The following TMEM236 variants were observed in gnomAD, a reference collection of about 807,000 sequenced individuals.
TMEM236 encodes family with sequence similarity 23, member A.
TMEM236 carries 11 observed loss-of-function variants against 14.7 expected under a neutral mutation model. The observed-to-expected ratio is 0.75, with a 90% CI of 0.47 to 1.24. The LOEUF is 1.24. Among genes scored for constraint, TMEM236 ranks in the 50% most tolerant of loss-of-function variants. The pLI, the probability that TMEM236 is intolerant of heterozygous loss-of-function variation, is 0.00. For synonymous variants in TMEM236, 182 were observed against 168.6 expected, an observed-to-expected ratio of 1.08 and a Z score of -0.62; for missense variants, 464 against 427.3, an observed-to-expected ratio of 1.09 and a Z score of -0.76.
intron 3 of TMEM236, among the ~76,000 whole-genome samples, chr10:17,794,704 C>T (rs1194917193): frequency 6.6e-6 from 1 of 152,142 alleles, no homozygotes; most frequent in Admixed American, 6.6e-5. Context: ...ACCTTGGATT[C>T]AGCATGTCAC....
At chr10:17,768,699 G>T (rs1837515819) in intron 1 of TMEM236, among the ~76,000 whole-genome samples, 1 of 151,226 alleles carries the variant, frequency 6.6e-6, no homozygotes, top group Non-Finnish European at 1.5e-5. Context: ...CAGATTTCTA[G>T]GTAGTCATAG....
At chr10:17,757,901 T>C (rs1336751896) in intron 1 of TMEM236, among the ~76,000 whole-genome samples, 1 of 152,082 alleles carries the variant, frequency 6.6e-6, no homozygotes, top group Non-Finnish European at 1.5e-5. Context: ...CCTGAGTAGC[T>C]GGGATTACAG....
At chr10:17,786,408 G>A (rs1390481665) in intron 3 of TMEM236, among the ~76,000 whole-genome samples, 7 of 152,060 alleles carry the variant, frequency 4.6e-5, no homozygotes, top group African/African-American at 1.7e-4. Flanking sequence ...GTCCATGCTG[G>A]AGGGCAGTGC....
chr10:17,762,404 G>A (rs1025996570), intron 1 of TMEM236, among the ~76,000 whole-genome samples: 7 of 151,572 alleles, frequency 4.6e-5, no homozygotes, highest in East Asian at 1.9e-4. Context: ...TACTGACTTC[G>A]TGTATTGATA....
chr10:17,775,907 A>G (rs1837651639), intron 2 of TMEM236, 122 bp from the exon 3 acceptor site: 3 of 1,317,634 alleles, frequency 2.3e-6, no homozygotes, highest in Non-Finnish European at 3.3e-6. Flanking sequence ...TTAAAAACCA[A>G]CCTTCTAGTT....
At position 17,752,379 on chromosome 10, in the gene TMEM236, A is replaced by G; in HGVS notation, c.84A>G (p.Thr28=). The G allele has an allele frequency of 6.2e-6, 10 of 1,613,872 alleles. No homozygotes were observed. The South Asian group carries it at 1.1e-4, about 18-fold the overall frequency. Residue 28 remains threonine, a synonymous_variant, in exon 1 of 4, where the codon ACA becomes ACG. Coordinates refer to ENST00000377495, the MANE Select transcript of TMEM236 (RefSeq NM_001098844.3). ...TCTCCATCCCCACACTCGTGATCAC[A>G]GAACAGTTTGCCACCGCCTACCAAG... ...AAFSIPTLVI[T]EQFATAYQGT... is the part of the protein sequence containing the mutation.
chr10:17,788,205 C>T (rs1489113048), intron 3 of TMEM236, among the ~76,000 whole-genome samples: 1 of 150,290 alleles, frequency 6.7e-6, no homozygotes, highest in Non-Finnish European at 1.5e-5. Context: ...TTATAAGTAA[C>T]ATAAATAATA....
chr10:17,772,592 C>G (rs1478900739), intron 2 of TMEM236, among the ~76,000 whole-genome samples: 1 of 151,732 alleles, frequency 6.6e-6, no homozygotes, highest in Non-Finnish European at 1.5e-5. Context: ...CTTTCCTTTC[C>G]TTTTTTTCTT....
At chr10:17,777,685 C>G (rs1334976122) in intron 3 of TMEM236, among the ~76,000 whole-genome samples, 3 of 152,032 alleles carry the variant, frequency 2.0e-5, no homozygotes, top group Non-Finnish European at 4.4e-5. Context: ...AAGAAAGACA[C>G]GTGTATCTTT....
In TMEM236 at chr10:17,796,449, TC is replaced by T; in HGVS notation, c.1002del (p.Phe334LeufsTer4). The T allele has an allele frequency of 6.2e-7, 1 of 1,613,826 alleles. No homozygotes were observed. On this transcript the variant is annotated frameshift_variant, in exon 4 of 4. Transcript: ENST00000377495. LOFTEE classifies it high-confidence loss of function. ...CTCGTGACTCTCTCTTACATTTACT[TC>T]AATTACCTAACCAGAATCAGGATTT... ...NILVTLSYIY[F>X]NYLTRIRIFS...
chr10:17,755,246 C>T (rs1443614504), intron 1 of TMEM236, among the ~76,000 whole-genome samples: 3 of 152,034 alleles, frequency 2.0e-5, no homozygotes, highest in Non-Finnish European at 2.9e-5. Context: ...CCACTGCTCC[C>T]GGCCGATGTT....
rs1838044253 is a variant in TMEM236, at chr10:17,798,003, A to G, written c.*1499A>G. On this transcript the variant is annotated 3_prime_UTR_variant, in exon 4 of 4. Transcript: ENST00000377495. The stretch of plus-strand genomic sequence containing the variant: ...CCAATGTATCAGTGTCTTATGTGAT[A>G]CTATATCATGGATATATTGATGTTA... 1 of 153,538 alleles carries G rather than the reference A, an allele frequency of 6.5e-6. No homozygotes were observed. Among genetic ancestry groups the G allele is most frequent in the Non-Finnish European group, 1.5e-5 (1 of 68,956 alleles). 9.5% of individuals were successfully genotyped at this position (153,538 alleles called of 1,614,324 possible). A position where few individuals can be genotyped will look rare whatever the true frequency, so the allele number is the denominator to read the frequency against.
intron 1 of TMEM236, among the ~76,000 whole-genome samples, chr10:17,762,628 C>CAT (rs1310249424): frequency 3.9e-4 from 31 of 79,516 alleles, no homozygotes; most frequent in South Asian, 4.9e-4. Context: ...TACACACATA[C>CAT]ATATATATAT....
At chr10:17,755,423 A>T (rs1308834739) in intron 1 of TMEM236, among the ~76,000 whole-genome samples, 2 of 152,156 alleles carry the variant, frequency 1.3e-5, no homozygotes, top group Non-Finnish European at 2.9e-5. Context: ...TGTGAAGTTC[A>T]TGGTGCTGTC....
intron 3 of TMEM236, among the ~76,000 whole-genome samples, chr10:17,793,800 A>G (rs1392582405): frequency 2.6e-5 from 4 of 152,202 alleles, no homozygotes; most frequent in East Asian, 1.9e-4. Context: ...AATTTTTTAA[A>G]TAACATAAGA....
chr10:17,768,115 A>ATTTTTTTTTTT (rs1837504471), intron 1 of TMEM236, among the ~76,000 whole-genome samples: 3 of 100,456 alleles, frequency 3.0e-5, no homozygotes, highest in Admixed American at 1.1e-4. Flanking sequence ...TTTTGTAGAG[A>ATTTTTTTTTTT]CGAGGATTTG....
At chr10:17,765,590 A>G (rs913241445) in intron 1 of TMEM236, among the ~76,000 whole-genome samples, 1 of 152,200 alleles carries the variant, frequency 6.6e-6, no homozygotes, top group Non-Finnish European at 1.5e-5. Context: ...CAGGATAGAC[A>G]TTACCATTCT....
At chr10:17,753,888 G>T (rs1837245267) in intron 1 of TMEM236, among the ~76,000 whole-genome samples, 2 of 152,184 alleles carry the variant, frequency 1.3e-5, no homozygotes. Flanking sequence ...ATTCCTGAAA[G>T]ATATGTTCTA....
At chr10:17,762,616 T>TATACAC (rs1245593145) in intron 1 of TMEM236, among the ~76,000 whole-genome samples, 1 of 54,220 alleles carries the variant, frequency 1.8e-5, no homozygotes, top group Non-Finnish European at 3.5e-5. Flanking sequence ...TATATATATA[T>TATACAC]ATACACACAT....
Sources: gnomAD v4.1 joint callset for allele counts (sites outside exome capture counted in the v4.1 genomes callset) on GRCh38, gnomAD v4.1.1 for gene constraint, MANE v1.5 for transcripts, NCBI Gene and HGNC (gene_info 2026-07-23, HGNC 2026-07-21) for gene names.